Variants in CLASP1 observed in about 807,000 individuals in gnomAD.
CLASP1 encodes CLIP-associating protein 1.
In CLASP1, 38 loss-of-function variants were observed where a neutral mutation model predicts 192.3. The ratio of observed to expected loss-of-function variants is 0.20; its 90% CI spans 0.15 to 0.26. The LOEUF is 0.26. Ranked by LOEUF, CLASP1 falls within the 10% of genes least tolerant of loss-of-function variation. CLASP1 has a pLI of 1.00. For synonymous variants in CLASP1, 691 were observed against 712.8 expected, an observed-to-expected ratio of 0.97 and a Z score of 0.49; for missense variants, 1,433 against 1,932.5, an observed-to-expected ratio of 0.74 and a Z score of 4.85.
chr2:121,560,395 G>A (rs1399094963), intron 2 of CLASP1, among the ~76,000 whole-genome samples: 1 of 152,084 alleles, frequency 6.6e-6, no homozygotes, highest in African/African-American at 2.4e-5. Context: ...TTTCACCTTG[G>A]GCTTCACATG....
chr2:121,602,662 C>T (rs995597197), intron 2 of CLASP1, among the ~76,000 whole-genome samples: 1 of 152,154 alleles, frequency 6.6e-6, no homozygotes, highest in African/African-American at 2.4e-5. Flanking sequence ...CACATATCTA[C>T]GGCCAACTGA....
At chr2:121,354,402 G>A (rs891760141) in intron 37 of CLASP1, among the ~76,000 whole-genome samples, 5 of 152,200 alleles carry the variant, frequency 3.3e-5, no homozygotes, top group African/African-American at 1.2e-4. Context: ...CTCAGACGGG[G>A]CGCTTTTCTT....
intron 24 of CLASP1, among the ~76,000 whole-genome samples, chr2:121,410,555 A>G (rs1012397364): frequency 5.3e-5 from 8 of 152,188 alleles, no homozygotes; most frequent in African/African-American, 1.2e-4. Context: ...ACATGGTTAA[A>G]AAGAAAAAAA....
At chr2:121,545,984 CA>C (rs1444274288) in intron 2 of CLASP1, among the ~76,000 whole-genome samples, 3 of 151,880 alleles carry the variant, frequency 2.0e-5, no homozygotes, top group African/African-American at 7.3e-5. Flanking sequence ...CCTTTTAAAA[CA>C]GAAAGATTCT....
exon 30 of CLASP1, chr2:121,397,232 G>A (rs1344682316): frequency 6.2e-7 from 1 of 1,613,814 alleles, no homozygotes. Flanking sequence ...AAATCTGTTG[G>A]ATCCATCTGT....
intron 3 of CLASP1, 128 bp downstream of exon 3, chr2:121,530,119 C>G: frequency 1.5e-6 from 1 of 648,252 alleles, no homozygotes; most frequent in Non-Finnish European, 2.4e-6. Flanking sequence ...TTGGGAGGAG[C>G]GGAAGGGAGG....
Position 121,492,415 on chromosome 2 carries a change from G to A in CLASP1, c.712+10752C>T, listed in dbSNP as rs1263004842. Among the ~76,000 whole-genome samples the A allele has an allele frequency of 4.3e-3, 526 of 122,206 alleles. 2 individuals carry two copies. Among genetic ancestry groups the A allele is most frequent in the African/African-American group, 0.016 (505 of 32,236 alleles). 80.2% of individuals were successfully genotyped at this position (122,206 alleles called of 152,430 possible). A position where few individuals can be genotyped will look rare whatever the true frequency, so the allele number is the denominator to read the frequency against. On this transcript the variant is annotated intron_variant, in intron 8 of 39. Coordinates refer to ENST00000263710, the Ensembl canonical transcript of CLASP1. ...AAAAAAAAAAAAAAAAAAAAAAAAA[G>A]TGAAAAGATAAGCCACAGAATGAAA...
At chr2:121,569,314 G>A (rs1015674971) in intron 2 of CLASP1, among the ~76,000 whole-genome samples, 8 of 152,258 alleles carry the variant, frequency 5.3e-5, no homozygotes, top group East Asian at 1.9e-4. Context: ...CACAGAGATC[G>A]GGAGAAAGCC....
intron 30 of CLASP1, among the ~76,000 whole-genome samples, chr2:121,393,997 A>G (rs1194957005): frequency 1.3e-5 from 2 of 152,194 alleles, no homozygotes; most frequent in Admixed American, 6.5e-5. Flanking sequence ...CCAAGGAATT[A>G]TCGAATAACT....
chr2:121,621,171 C>T (rs954143925), intron 1 of CLASP1, among the ~76,000 whole-genome samples: 50 of 151,930 alleles, frequency 3.3e-4, no homozygotes, highest in East Asian at 1.3e-3. Context: ...CAGTGAGCTG[C>T]GATCCCCCTA....
intron 2 of CLASP1, among the ~76,000 whole-genome samples, chr2:121,580,124 A>G (rs78417419): frequency 1.4e-4 from 21 of 152,342 alleles, no homozygotes; most frequent in African/African-American, 4.3e-4. Flanking sequence ...GGTATTGTCC[A>G]TATATTAAAG....
At chr2:121,360,922 C>T (rs543787147) in intron 37 of CLASP1, among the ~76,000 whole-genome samples, 21 of 152,226 alleles carry the variant, frequency 1.4e-4, no homozygotes, top group African/African-American at 4.8e-4. Flanking sequence ...ATTTAAAGGG[C>T]CTCATACCTG....
chr2:121,610,583 TGGAGAA>T, intron 1 of CLASP1, among the ~76,000 whole-genome samples: 1 of 61,550 alleles, frequency 1.6e-5, no homozygotes, highest in Non-Finnish European at 3.3e-5. Context: ...GAAGAGGAAC[TGGAGAA>T]GGAGGAGGAG....
chr2:121,643,638 C>CA (rs1007937192), intron 1 of CLASP1, among the ~76,000 whole-genome samples: 5 of 151,830 alleles, frequency 3.3e-5, no homozygotes, highest in Non-Finnish European at 5.9e-5. Context: ...TATAAATCTA[C>CA]AAAAAAAGGG....
exon 36 of CLASP1, chr2:121,365,221 C>A: frequency 4.3e-6 from 7 of 1,613,802 alleles, no homozygotes; most frequent in Non-Finnish European, 5.9e-6. Context: ...TTCCTCCACT[C>A]GCTCATTGTG....
At chr2:121,530,129 G>A (rs1296864076) in intron 3 of CLASP1, 118 bp downstream of exon 3, 2 of 794,970 alleles carry the variant, frequency 2.5e-6, no homozygotes, top group Non-Finnish European at 4.1e-6. Flanking sequence ...CGGAAGGGAG[G>A]GAGAGGGGGC....
intron 33 of CLASP1, among the ~76,000 whole-genome samples, chr2:121,378,639 TAAA>T (rs199631937): frequency 4.0e-5 from 6 of 151,556 alleles, no homozygotes; most frequent in African/African-American, 1.2e-4. Context: ...AAGGGCAAGT[TAAA>T]AAAAAATCTT....
rs114044223 is a variant in CLASP1, at chr2:121,522,484, T to C, written c.546+3361A>G. Among the ~76,000 whole-genome samples, 332 of 152,342 alleles carry C rather than the reference T, an allele frequency of 2.2e-3. 1 individual carries two copies. The highest frequency in any genetic ancestry group is 7.5e-3 in the African/African-American group (312 of 41,578). ...AGGCAGGAAGTGCTAACTTGAATTT[T>C]TGGCTTAATGAAACATTTTAGACAA... On this transcript the variant is annotated intron_variant, in intron 6 of 39. Coordinates refer to ENST00000263710, the Ensembl canonical transcript of CLASP1.
chr2:121,346,611 A>C (rs114072484), intron 39 of CLASP1, among the ~76,000 whole-genome samples: 2 of 152,346 alleles, frequency 1.3e-5, no homozygotes, highest in African/African-American at 2.4e-5. Flanking sequence ...AACGCATGCA[A>C]AGTGCGTAGG....
Sources: allele counts gnomAD v4.1 joint callset (sites outside exome capture counted in the v4.1 genomes callset), GRCh38; gene constraint gnomAD v4.1.1; transcripts MANE v1.5; gene names NCBI Gene and HGNC (gene_info 2026-07-23, HGNC 2026-07-21).